MYO18B: variants seen among roughly 807,000 people sequenced by gnomAD.
MYO18B encodes the protein myosin XVIIIB.
MYO18B carries 204 observed loss-of-function variants against 273.0 expected under a neutral mutation model. That is an observed-to-expected ratio of 0.75 (90% CI 0.67 to 0.84). MYO18B has a LOEUF of 0.84. Among genes scored for constraint, MYO18B ranks in the 40% least tolerant of loss-of-function variants. The pLI is 0.00. For missense variants in MYO18B, 3,212 were observed against 3,287.6 expected, an observed-to-expected ratio of 0.98 and a Z score of 0.56; for synonymous variants, 1,330 against 1,305.7, an observed-to-expected ratio of 1.02 and a Z score of -0.40.
chr22:25,906,971 C>T (rs2092057391), intron 31 of MYO18B, among the ~76,000 whole-genome samples: 1 of 152,182 alleles, frequency 6.6e-6, no homozygotes, highest in Non-Finnish European at 1.5e-5. Flanking sequence ...GGTGGGGACA[C>T]AGAGCCTAAC....
At chr22:25,799,143 G>A (rs2088068398) in intron 12 of MYO18B, among the ~76,000 whole-genome samples, 1 of 151,546 alleles carries the variant, frequency 6.6e-6, no homozygotes, top group East Asian at 1.9e-4. Flanking sequence ...GTGTGTGTGT[G>A]TGTGTGTGTG....
At chr22:25,792,169 C>T (rs980860750) in intron 11 of MYO18B, among the ~76,000 whole-genome samples, 6 of 152,280 alleles carry the variant, frequency 3.9e-5, no homozygotes, top group East Asian at 1.9e-4. Flanking sequence ...ACTTACTGAC[C>T]GTGCCCTTCC....
At chr22:25,744,608 C>T (rs1017166229) in intron 1 of MYO18B, among the ~76,000 whole-genome samples, 1 of 152,046 alleles carries the variant, frequency 6.6e-6, no homozygotes, top group Non-Finnish European at 1.5e-5. Context: ...GTGGTGGGTG[C>T]CTGTAGTCCC....
chr22:26,040,354 G>T, the MYO18B span, among the ~76,000 whole-genome samples: 1 of 152,178 alleles, frequency 6.6e-6, no homozygotes, highest in Non-Finnish European at 1.5e-5. Context: ...TGATGCTAAG[G>T]AAATTTATCC....
intron 42 of MYO18B, among the ~76,000 whole-genome samples, chr22:26,025,717 G>A (rs1936191280): frequency 6.6e-6 from 1 of 151,708 alleles, no homozygotes; most frequent in South Asian, 2.1e-4. Context: ...TCTCTCCTTT[G>A]AATGATGCCA....
At chr22:25,799,036 C>A (rs921947588) in intron 12 of MYO18B, among the ~76,000 whole-genome samples, 53 of 152,070 alleles carry the variant, frequency 3.5e-4, no homozygotes, top group African/African-American at 1.2e-3. Flanking sequence ...TCTCCGTATC[C>A]AATCATTCAC....
At chr22:25,915,432 A>G (rs956965289) in intron 33 of MYO18B, among the ~76,000 whole-genome samples, 10 of 152,178 alleles carry the variant, frequency 6.6e-5, no homozygotes, top group African/African-American at 1.4e-4. Context: ...GGCAATTGTG[A>G]CACAGTGGTA....
intron 10 of MYO18B, among the ~76,000 whole-genome samples, chr22:25,783,294 C>A (rs1028860418): frequency 6.6e-6 from 1 of 152,250 alleles, no homozygotes; most frequent in Admixed American, 6.5e-5. Flanking sequence ...GTTTCTCCTC[C>A]TGTAAAATGG....
At position 26,017,317 on chromosome 22, in the gene MYO18B, CTA is replaced by C. The variant is rs910093150; in HGVS notation, c.6471-9126_6471-9125del. On this transcript the variant is annotated intron_variant, in intron 42 of 43. Coordinates refer to ENST00000335473, the MANE Select transcript of MYO18B (RefSeq NM_032608.7). ...TCTGTCTTTAGCTCCTCCTCTACAT[CTA>C]TGTTTAAACACATTTTCCTTCTTCC... 5.3e-5 allele frequency among the ~76,000 whole-genome samples: 8 copies of C among 151,336 alleles called. No individual in the cohort carries two copies. In the South Asian group the frequency reaches 6.3e-4, roughly 12 times the overall value.
At chr22:25,850,868 A>G (rs755763552) in intron 20 of MYO18B, among the ~76,000 whole-genome samples, 1 of 152,116 alleles carries the variant, frequency 6.6e-6, no homozygotes, top group African/African-American at 2.4e-5. Flanking sequence ...GGAAAACCCT[A>G]TGGCTTCTTC....
At chr22:25,871,294 C>T (rs1245667891) in intron 22 of MYO18B, among the ~76,000 whole-genome samples, 1 of 152,186 alleles carries the variant, frequency 6.6e-6, no homozygotes, top group African/African-American at 2.4e-5. Flanking sequence ...TTCTACCTCC[C>T]AAGATGGCTG....
intron 17 of MYO18B, 23 bp from the exon 18 acceptor site, chr22:25,843,712 C>T (rs202066832): frequency 1.3e-4 from 212 of 1,605,194 alleles, no homozygotes; most frequent in Non-Finnish European, 1.2e-4. Context: ...CTCCAGCACT[C>T]ATGCCACCAT....
Position 25,992,468 on chromosome 22 carries a change from G to A in MYO18B, c.6262G>A (p.Ala2088Thr), listed in dbSNP as rs1601778549. 1 of 1,613,980 alleles carries A rather than the reference G, an allele frequency of 6.2e-7. No homozygotes were observed. ...ADLQAALEEV[A>T]SSDSDTESVQ... ...CCTGCAGGCTGCCTTGGAAGAAGTG[G>A]CATCCAGTGACAGTGATACTGAGAG... is the stretch of plus-strand genomic sequence containing the variant. Residue 2088 changes from alanine (A) to threonine (T), a missense_variant, in exon 40 of 44, where the codon GCA (alanine) becomes ACA (threonine). Physicochemically the swap from Ala to Thr is moderately conservative, Grantham distance 58. Transcript: ENST00000335473.
At position 25,768,727 on chromosome 22, in the gene MYO18B, C is replaced by A; in HGVS notation, c.811C>A (p.Gln271Lys). Residue 271 changes from glutamine to lysine, a missense_variant, in exon 4 of 44, where the codon CAA becomes AAA. Transcript: ENST00000335473. The part of the protein sequence containing the change: ...KDRQGTRPQA[Q>K]GPGEGVRPGK... ...CAGGCAGGGGACCAGGCCCCAAGCCCAAGGGCCCGGCGAGGGGGTGCGACC... is the reference window on the plus strand; with the variant it reads ...CAGGCAGGGGACCAGGCCCCAAGCCAAAGGGCCCGGCGAGGGGGTGCGACC... 6.3e-7 allele frequency: 1 copy of A among 1,594,826 alleles called. No individual in the cohort carries two copies. The highest frequency in any genetic ancestry group is 1.1e-5 in the South Asian group (1 of 87,298).
At chr22:25,760,959 T>C in intron 1 of MYO18B, 25 bp from the exon 2 acceptor site, 2 of 991,256 alleles carry the variant, frequency 2.0e-6, no homozygotes, top group Admixed American at 3.6e-5. Context: ...CTCTCTTCTC[T>C]CCCCACTGTG....
chr22:25,856,496 C>T (rs761152395), intron 21 of MYO18B, among the ~76,000 whole-genome samples: 10 of 152,230 alleles, frequency 6.6e-5, no homozygotes, highest in Non-Finnish European at 1.2e-4. Flanking sequence ...CCATACAGAG[C>T]TGGCTTTGGG....
chr22:25,809,142 C>T (rs5761239), intron 12 of MYO18B, among the ~76,000 whole-genome samples: 9,998 of 152,108 alleles, frequency 0.066, 573 homozygotes, highest in East Asian at 0.21. Context: ...GGGGTTTCAC[C>T]ATCTCTTGGC....
intron 27 of MYO18B, 80 bp downstream of exon 27, chr22:25,891,492 C>A: frequency 1.1e-6 from 1 of 922,270 alleles, no homozygotes. Context: ...TCATAGAGCA[C>A]TTTTTAGGTG....
At chr22:25,835,221 C>A in intron 16 of MYO18B, 75 bp from the exon 17 acceptor site, 1 of 1,504,136 alleles carries the variant, frequency 6.6e-7, no homozygotes, top group Non-Finnish European at 8.9e-7. Flanking sequence ...CATTCCCTAT[C>A]GGTGGGAAGA....
Sources: gnomAD v4.1 joint callset for allele counts (sites outside exome capture counted in the v4.1 genomes callset) on GRCh38, gnomAD v4.1.1 for gene constraint, MANE v1.5 for transcripts, NCBI Gene and HGNC (gene_info 2026-07-23, HGNC 2026-07-21) for gene names.